The following CUBN variants were observed in gnomAD, a reference collection of about 807,000 sequenced individuals.
CUBN encodes 460 kDa receptor.
Under a neutral mutation model 405.3 loss-of-function variants are expected in CUBN, and 282 were observed. That is an observed-to-expected ratio of 0.70 (90% CI 0.63 to 0.77). The LOEUF (loss-of-function observed/expected upper bound fraction) is 0.77, where lower values mean the gene tolerates loss of function less well. Ranked by LOEUF, CUBN falls within the 30% of genes least tolerant of loss-of-function variation. The pLI is 0.00. For synonymous variants in CUBN, 1,684 were observed against 1,617.0 expected (o/e 1.04, Z -0.99); for missense variants, 4,514 against 4,475.2 (o/e 1.01, Z -0.25).
rs138911609 is a variant in CUBN, at chr10:16,828,762, C to G, written c.10764+43G>C. 9.6e-4 allele frequency: 1,402 copies of G among 1,453,554 alleles called. 15 individuals carry two copies. In the African/African-American group the frequency reaches 0.017, roughly 18 times the overall value. 90.0% of individuals were successfully genotyped at this position (1,453,554 alleles called of 1,614,324 possible). On this transcript the variant is annotated intron_variant, in intron 66 of 66. Transcript: ENST00000377833. ...TCTACACTAAGTGACTCATTATTGTCTAAAAATAACAAATGGGAATATAAA... is the reference window on the plus strand; with the variant it reads ...TCTACACTAAGTGACTCATTATTGTGTAAAAATAACAAATGGGAATATAAA...
intron 59 of CUBN, among the ~76,000 whole-genome samples, chr10:16,859,731 T>G (rs1307490132): frequency 6.6e-6 from 1 of 152,152 alleles, no homozygotes; most frequent in Non-Finnish European, 1.5e-5. Flanking sequence ...AAGAGAGGTC[T>G]TCCAAAAGAA....
intron 10 of CUBN, among the ~76,000 whole-genome samples, chr10:17,105,890 A>T (rs1024224952): frequency 1.3e-5 from 2 of 152,220 alleles, no homozygotes; most frequent in Admixed American, 6.5e-5. Flanking sequence ...GAAGACAGAC[A>T]TTCCTCATCA....
intron 28 of CUBN, among the ~76,000 whole-genome samples, chr10:17,000,334 G>A (rs1833843334): frequency 6.6e-6 from 1 of 152,152 alleles, no homozygotes; most frequent in African/African-American, 2.4e-5. Flanking sequence ...CTCCAGAACA[G>A]CACTTTATAA....
At chr10:16,931,342 C>G (rs975273770) in intron 40 of CUBN, among the ~76,000 whole-genome samples, 6 of 151,774 alleles carry the variant, frequency 4.0e-5, no homozygotes, top group African/African-American at 1.5e-4. Context: ...CCAACTGACA[C>G]AGACCAGGCA....
intron 31 of CUBN, among the ~76,000 whole-genome samples, chr10:16,974,798 C>A (rs939550674): frequency 2.0e-5 from 3 of 152,168 alleles, no homozygotes; most frequent in African/African-American, 7.2e-5. Context: ...CCAACCCACT[C>A]AATGTGAAGA....
At chr10:16,938,658 A>C (rs1460630864) in intron 38 of CUBN, among the ~76,000 whole-genome samples, 4 of 152,150 alleles carry the variant, frequency 2.6e-5, no homozygotes, top group Admixed American at 6.5e-5. Flanking sequence ...CATAAAAACA[A>C]AGAGGATAGT....
intron 44 of CUBN, 48 bp from the exon 45 acceptor site, chr10:16,918,848 T>A: frequency 6.6e-7 from 1 of 1,517,870 alleles, no homozygotes; most frequent in African/African-American, 1.4e-5. Flanking sequence ...CAGATGCTTA[T>A]TTTGATAATG....
chr10:17,095,877 T>C (rs1221235487), intron 14 of CUBN, among the ~76,000 whole-genome samples: 1 of 151,992 alleles, frequency 6.6e-6, no homozygotes, highest in Non-Finnish European at 1.5e-5. Flanking sequence ...CATCAACAGG[T>C]AAATGGATAA....
chr10:17,048,489 T>C (rs990307859), intron 22 of CUBN, among the ~76,000 whole-genome samples: 2 of 152,196 alleles, frequency 1.3e-5, no homozygotes, highest in African/African-American at 4.8e-5. Context: ...TTTTTGTTTT[T>C]GCTTTTGAGA....
intron 27 of CUBN, among the ~76,000 whole-genome samples, chr10:17,040,432 G>A (rs1331914123): frequency 6.6e-6 from 1 of 151,976 alleles, no homozygotes; most frequent in Non-Finnish European, 1.5e-5. Flanking sequence ...TTATCAAAAA[G>A]CTTTTTAAGT....
chr10:17,109,495 G>A (rs1266615197), intron 10 of CUBN, 145 bp downstream of exon 10: 1 of 691,354 alleles, frequency 1.4e-6, no homozygotes, highest in Non-Finnish European at 2.6e-6. Flanking sequence ...AAAGCCAAAT[G>A]TGTAGTTTTA....
intron 22 of CUBN, among the ~76,000 whole-genome samples, chr10:17,058,658 C>T (rs1054278264): frequency 1.3e-5 from 2 of 151,982 alleles, no homozygotes; most frequent in Non-Finnish European, 2.9e-5. Flanking sequence ...AGATTAAAAA[C>T]CCCTCTTAAC....
rs1166502442 is a variant in CUBN, at chr10:17,109,621, G to C, written c.1111+19C>G. On this transcript the variant is annotated intron_variant, in intron 10 of 66. Coordinates refer to ENST00000377833, the MANE Select transcript of CUBN (RefSeq NM_001081.4). The stretch of plus-strand genomic sequence containing the variant: ...TCATATTACAATACCCAAAGCCAAA[G>C]AGAGAGATGAGTCATTACCTAGAGT... The C allele has an allele frequency of 6.3e-7, 1 of 1,594,816 alleles. No homozygotes were observed. Among genetic ancestry groups the C allele is most frequent in the African/African-American group, 1.3e-5 (1 of 74,506 alleles).
intron 31 of CUBN, among the ~76,000 whole-genome samples, chr10:16,981,341 C>T (rs1833266803): frequency 6.6e-6 from 1 of 152,192 alleles, no homozygotes; most frequent in South Asian, 2.1e-4. Flanking sequence ...CGCCTTCCTG[C>T]TGAGAGCCAC....
intron 66 of CUBN, among the ~76,000 whole-genome samples, chr10:16,828,137 T>C (rs1044998147): frequency 4.6e-5 from 7 of 152,032 alleles, no homozygotes; most frequent in Non-Finnish European, 7.4e-5. Context: ...TATTCAACCC[T>C]AGGCAGTGCA....
chr10:17,114,665 T>C (rs919832831), intron 7 of CUBN, among the ~76,000 whole-genome samples: 5 of 152,164 alleles, frequency 3.3e-5, no homozygotes, highest in Non-Finnish European at 7.3e-5. Flanking sequence ...AAATAAAGAA[T>C]TGAAGTTCTC....
At chr10:16,941,301 T>C (rs1190580171) in intron 36 of CUBN, among the ~76,000 whole-genome samples, 1 of 152,128 alleles carries the variant, frequency 6.6e-6, no homozygotes, top group East Asian at 1.9e-4. Flanking sequence ...GATATCCTTA[T>C]GGAGAGAGAG....
chr10:16,982,919 G>A (rs1414756594), intron 30 of CUBN, among the ~76,000 whole-genome samples: 1 of 152,026 alleles, frequency 6.6e-6, no homozygotes, highest in African/African-American at 2.4e-5. Context: ...AAACGCAAAT[G>A]AAATCACGTT....
intron 27 of CUBN, among the ~76,000 whole-genome samples, chr10:17,025,586 T>C (rs1249098436): frequency 1.3e-5 from 2 of 152,216 alleles, no homozygotes. Context: ...ACTCTAACTC[T>C]TTGTCAGAGG....
Sources: gnomAD v4.1 joint callset for allele counts (sites outside exome capture counted in the v4.1 genomes callset) on GRCh38, gnomAD v4.1.1 for gene constraint, MANE v1.5 for transcripts, NCBI Gene and HGNC (gene_info 2026-07-23, HGNC 2026-07-21) for gene names.